Variants in PAG1 observed in about 807,000 individuals in gnomAD.
The protein encoded by PAG1 is phosphoprotein associated with glycosphingolipid-enriched microdomains 1.
In PAG1, 23 loss-of-function variants were observed where a neutral mutation model predicts 31.7. The observed-to-expected ratio is 0.73, with a 90% confidence interval of 0.52 to 1.03. The LOEUF is 1.03. PAG1 is among the 50% of genes least tolerant of loss of function. PAG1 has a pLI of 0.00. For missense variants in PAG1, 473 were observed against 540.7 expected (o/e 0.87, Z 1.24); for synonymous variants, 214 against 210.3 (o/e 1.02, Z -0.15).
At chr8:80,981,622 GTTAATCTA>G (rs1200710242) in intron 7 of PAG1, among the ~76,000 whole-genome samples, 2 of 151,976 alleles carry the variant, frequency 1.3e-5, no homozygotes, top group Non-Finnish European at 2.9e-5. Flanking sequence ...CAGCCTCTGC[GTTAATCTA>G]TTTTCTTTCC....
intron 3 of PAG1, among the ~76,000 whole-genome samples, chr8:81,017,034 T>C (rs371418999): frequency 1.2e-4 from 18 of 152,242 alleles, no homozygotes; most frequent in East Asian, 7.7e-4. Context: ...CAGCTGACCA[T>C]TGTTGCATGA....
At chr8:81,039,811 G>A (rs924656102) in intron 2 of PAG1, among the ~76,000 whole-genome samples, 1 of 152,106 alleles carries the variant, frequency 6.6e-6, no homozygotes, top group African/African-American at 2.4e-5. Flanking sequence ...ATAACAGGTA[G>A]GTTCACGCAA....
Position 81,067,752 on chromosome 8 carries a change from C to A in PAG1, c.-175+2360G>T, listed in dbSNP as rs377212324. ...TGATTACAAAGCCACTCCAGAAAGC[C>A]AAGGCTCTTGCTTAGAATTGGTTTG... On this transcript the variant is annotated intron_variant, in intron 2 of 8. Transcript: ENST00000220597. The A allele has an allele frequency of 5.9e-5, 9 of 152,318 alleles. 2 individuals are homozygous for A. Among genetic ancestry groups the A allele is most frequent in the Admixed American group, 3.3e-4 (5 of 15,300 alleles). The allele number at this position is 152,318 out of a possible 1,614,324, so 9.4% of individuals were successfully genotyped here.
intron 1 of PAG1, among the ~76,000 whole-genome samples, chr8:81,110,572 A>G (rs558986387): frequency 1.3e-5 from 2 of 152,380 alleles, no homozygotes; most frequent in African/African-American, 4.8e-5. Context: ...TAGGCCCATC[A>G]GTACACTTAA....
At position 80,973,834 on chromosome 8, in the gene PAG1, T is replaced by G. The variant is rs1807126606; in HGVS notation, c.*2710A>C. 6.6e-6 allele frequency: 1 copy of G among 151,272 alleles called. No homozygotes were observed. Among genetic ancestry groups the G allele is most frequent in the African/African-American group, 2.4e-5 (1 of 41,092 alleles). The allele number at this position is 151,272 out of a possible 1,614,324, so 9.4% of individuals were successfully genotyped here. Reference sequence around the variant, plus strand: ...CAGTGATGGTGCCTCAGTAAATAACTTCAGTAAAATATCCAGTGCTCCAAA... The same window carrying G: ...CAGTGATGGTGCCTCAGTAAATAACGTCAGTAAAATATCCAGTGCTCCAAA... On this transcript the variant is annotated 3_prime_UTR_variant, in exon 9 of 9. Coordinates refer to ENST00000220597, the MANE Select transcript of PAG1 (RefSeq NM_018440.4).
At chr8:81,076,746 T>A (rs1484396831) in intron 1 of PAG1, among the ~76,000 whole-genome samples, 1 of 152,230 alleles carries the variant, frequency 6.6e-6, no homozygotes, top group African/African-American at 2.4e-5. Flanking sequence ...ACATACTTTT[T>A]AAAAAATTTT....
intron 2 of PAG1, among the ~76,000 whole-genome samples, chr8:81,037,740 A>G (rs1316092483): frequency 6.6e-6 from 1 of 152,254 alleles, no homozygotes; most frequent in African/African-American, 2.4e-5. Flanking sequence ...AATAAGCATG[A>G]GATAATAGCC....
intron 2 of PAG1, chr8:81,058,656 G>C (rs747219013): frequency 1.3e-5 from 2 of 152,002 alleles, no homozygotes; most frequent in African/African-American, 4.8e-5. Flanking sequence ...CAATGCTTTG[G>C]GAGGCCAAAG....
intron 2 of PAG1, among the ~76,000 whole-genome samples, chr8:81,059,119 A>C (rs1808875880): frequency 6.6e-6 from 1 of 152,164 alleles, no homozygotes; most frequent in African/African-American, 2.4e-5. Flanking sequence ...ATTTGCATAT[A>C]AACTATACAC....
chr8:81,037,378 A>G (rs1257930261), intron 2 of PAG1: 2 of 152,236 alleles, frequency 1.3e-5, no homozygotes, highest in East Asian at 3.8e-4. Flanking sequence ...TTAAAATGCC[A>G]TAATTTAGTA....
intron 3 of PAG1, among the ~76,000 whole-genome samples, chr8:81,011,676 AACT>A (rs1278420924): frequency 6.6e-6 from 1 of 152,236 alleles, no homozygotes; most frequent in Non-Finnish European, 1.5e-5. Context: ...TTAAGGTTGT[AACT>A]ACTGATGGCT....
intron 2 of PAG1, among the ~76,000 whole-genome samples, chr8:81,036,616 G>A (rs1325614594): frequency 2.0e-5 from 3 of 152,182 alleles, no homozygotes; most frequent in Non-Finnish European, 4.4e-5. Context: ...TATGGGCTAT[G>A]ATGCACTGTG....
chr8:81,074,885 G>A (rs990632494), intron 1 of PAG1, among the ~76,000 whole-genome samples: 2 of 152,130 alleles, frequency 1.3e-5, no homozygotes, highest in Admixed American at 6.5e-5. Flanking sequence ...ACTTTAAGTC[G>A]CTCATTTTGG....
At chr8:81,032,687 A>AAT (rs1265034114) in intron 2 of PAG1, among the ~76,000 whole-genome samples, 33 of 152,360 alleles carry the variant, frequency 2.2e-4, no homozygotes, top group African/African-American at 7.9e-4. Context: ...TTAAACAGAG[A>AAT]GTTACCATGT....
intron 3 of PAG1, among the ~76,000 whole-genome samples, chr8:81,004,703 A>G (rs1160060073): frequency 6.6e-6 from 1 of 152,258 alleles, no homozygotes; most frequent in Non-Finnish European, 1.5e-5. Flanking sequence ...ACAACATTTA[A>G]TCACAATAAT....
At chr8:81,004,821 C>G (rs1807846401) in intron 3 of PAG1, among the ~76,000 whole-genome samples, 1 of 152,154 alleles carries the variant, frequency 6.6e-6, no homozygotes, top group African/African-American at 2.4e-5. Flanking sequence ...CCCAATGTGT[C>G]TGGTGGATTC....
At chr8:81,016,484 T>C (rs898970612) in intron 3 of PAG1, among the ~76,000 whole-genome samples, 3 of 152,202 alleles carry the variant, frequency 2.0e-5, no homozygotes, top group African/African-American at 7.2e-5. Flanking sequence ...TTAGGGAACT[T>C]ACTACCTCCA....
intron 8 of PAG1, among the ~76,000 whole-genome samples, chr8:80,980,023 C>T (rs767294862): frequency 6.6e-6 from 1 of 151,882 alleles, no homozygotes; most frequent in Non-Finnish European, 1.5e-5. Context: ...CTTCCTCTTT[C>T]TGTCTCCCAG....
At chr8:81,084,338 C>T (rs1239522620) in intron 1 of PAG1, among the ~76,000 whole-genome samples, 3 of 152,118 alleles carry the variant, frequency 2.0e-5, no homozygotes, top group Admixed American at 2.0e-4. Flanking sequence ...ATTGCATTTG[C>T]TATGCTGAAA....
Sources: allele counts gnomAD v4.1 joint callset (sites outside exome capture counted in the v4.1 genomes callset), GRCh38; gene constraint gnomAD v4.1.1; transcripts MANE v1.5; gene names NCBI Gene and HGNC (gene_info 2026-07-23, HGNC 2026-07-21).